Variants in SGCZ observed in about 807,000 individuals in gnomAD.
SGCZ encodes the protein zeta-sarcoglycan.
SGCZ carries 40 observed loss-of-function variants against 41.3 expected under a neutral mutation model. The ratio of observed to expected loss-of-function variants is 0.97; its 90% CI spans 0.75 to 1.26. The LOEUF (loss-of-function observed/expected upper bound fraction) is 1.26. Among genes scored for constraint, SGCZ ranks in the 50% most tolerant of loss-of-function variants. The pLI is 0.00. For missense variants in SGCZ, 552 were observed against 369.8 expected (o/e 1.49, Z -4.04); for synonymous variants, 206 against 137.5 (o/e 1.50, Z -3.49).
At chr8:14,890,917 A>C (rs981456113) in intron 1 of SGCZ, among the ~76,000 whole-genome samples, 2 of 152,198 alleles carry the variant, frequency 1.3e-5, no homozygotes, top group African/African-American at 4.8e-5. Context: ...GTGCTCTAGA[A>C]ATGGAAAAAC....
chr8:14,333,686 C>A (rs1459562457), intron 2 of SGCZ, among the ~76,000 whole-genome samples: 1 of 152,058 alleles, frequency 6.6e-6, no homozygotes, highest in Non-Finnish European at 1.5e-5. Context: ...GTCAATGGGT[C>A]CTCCCCTCAC....
chr8:14,156,482 C>G (rs948820270), intron 5 of SGCZ, among the ~76,000 whole-genome samples: 1 of 151,794 alleles, frequency 6.6e-6, no homozygotes, highest in African/African-American at 2.4e-5. Context: ...AAAACAAAAA[C>G]AAAAACAAAA....
intron 3 of SGCZ, chr8:14,319,512 T>A (rs1801846531): frequency 6.6e-6 from 1 of 151,644 alleles, no homozygotes; most frequent in African/African-American, 2.4e-5. Flanking sequence ...TCCAGGAAAA[T>A]CCCCCATGCA....
intron 5 of SGCZ, among the ~76,000 whole-genome samples, chr8:14,116,357 A>C (rs1802522281): frequency 6.6e-6 from 1 of 152,126 alleles, no homozygotes; most frequent in Admixed American, 6.6e-5. Context: ...TCTTACCTCA[A>C]GATATCTAAG....
chr8:14,962,806 T>C (rs920350139), intron 1 of SGCZ, among the ~76,000 whole-genome samples: 2 of 152,166 alleles, frequency 1.3e-5, no homozygotes, highest in Admixed American at 1.3e-4. Context: ...AAGAAATTCG[T>C]CGTGATAAGA....
At chr8:14,898,680 A>G (rs17120490) in intron 1 of SGCZ, among the ~76,000 whole-genome samples, 1,967 of 152,276 alleles carry the variant, frequency 0.013, 39 homozygotes, top group African/African-American at 0.045. Context: ...TGAGATGAGA[A>G]GAGTCAAGTT....
At chr8:14,687,303 C>T (rs1257758657) in intron 1 of SGCZ, among the ~76,000 whole-genome samples, 1 of 150,498 alleles carries the variant, frequency 6.6e-6, no homozygotes, top group Non-Finnish European at 1.5e-5. Context: ...ATTAACTCGT[C>T]ATTTAGCATT....
Position 14,509,980 on chromosome 8 carries a change from C to T in SGCZ, c.234+44752G>A, listed in dbSNP as rs1392003583. ...CTCAACAGGTGAGGACTATGGGTCC[C>T]TACCTCAACACATAGGGATTACAAT... On this transcript the variant is annotated intron_variant, in intron 2 of 7. Transcript: ENST00000382080. Among the ~76,000 whole-genome samples the T allele has an allele frequency of 2.0e-5, 3 of 152,136 alleles. No individual in the cohort carries two copies. The East Asian group carries it at 5.8e-4, about 30-fold the overall frequency.
chr8:14,441,193 G>A (rs1055053176), intron 2 of SGCZ, among the ~76,000 whole-genome samples: 1 of 152,052 alleles, frequency 6.6e-6, no homozygotes, highest in African/African-American at 2.4e-5. Flanking sequence ...ACTTGTTTCT[G>A]TAAACTTTAA....
At chr8:14,287,756 C>G (rs1466509167) in intron 3 of SGCZ, among the ~76,000 whole-genome samples, 1 of 152,058 alleles carries the variant, frequency 6.6e-6, no homozygotes, top group African/African-American at 2.4e-5. Context: ...CATTAAGCTA[C>G]ATTGACTAAG....
intron 1 of SGCZ, among the ~76,000 whole-genome samples, chr8:14,724,302 T>G (rs112391065): frequency 6.7e-6 from 1 of 149,142 alleles, no homozygotes; most frequent in Non-Finnish European, 1.5e-5. Flanking sequence ...CATACATAAG[T>G]GTATATATGT....
At chr8:15,049,172 C>G (rs1296078286) in intron 1 of SGCZ, among the ~76,000 whole-genome samples, 3 of 152,080 alleles carry the variant, frequency 2.0e-5, no homozygotes, top group Non-Finnish European at 4.4e-5. Context: ...CAGAGAATAA[C>G]TGGAAGGAGA....
At chr8:15,162,929 G>A (rs1799556500) in intron 1 of SGCZ, among the ~76,000 whole-genome samples, 1 of 152,212 alleles carries the variant, frequency 6.6e-6, no homozygotes, top group Non-Finnish European at 1.5e-5. Flanking sequence ...GAAGATGAAA[G>A]AGGAGAAGTA....
chr8:14,999,652 TAC>T (rs59966959), intron 1 of SGCZ, among the ~76,000 whole-genome samples: 9,796 of 152,136 alleles, frequency 0.064, 730 homozygotes, highest in African/African-American at 0.18. Context: ...CTGCTTCTAT[TAC>T]AGTCTCTGTC....
At chr8:14,369,775 T>C (rs1180689354) in intron 2 of SGCZ, among the ~76,000 whole-genome samples, 3 of 151,970 alleles carry the variant, frequency 2.0e-5, no homozygotes, top group Non-Finnish European at 4.4e-5. Flanking sequence ...AATTTTTTCC[T>C]CTCTTACTGC....
chr8:15,044,557 T>C lies in SGCZ; in HGVS notation c.39+193028A>G, dbSNP rs116860803. ...GTAATACTTCAAAGATTTCTGAAAA[T>C]CCACCTTTGATAAGAGACTTTTATT... On this transcript the variant is annotated intron_variant, in intron 1 of 7. Coordinates refer to ENST00000382080, the MANE Select transcript of SGCZ (RefSeq NM_139167.4). 4.9e-3 allele frequency among the ~76,000 whole-genome samples: 751 copies of C among 152,264 alleles called. 1 individual carries two copies. The highest frequency in any genetic ancestry group is 7.7e-3 in the Non-Finnish European group (527 of 68,008).
At chr8:14,338,000 C>T (rs1361013161) in intron 2 of SGCZ, among the ~76,000 whole-genome samples, 1 of 152,100 alleles carries the variant, frequency 6.6e-6, no homozygotes, top group African/African-American at 2.4e-5. Context: ...TCCATGGAGG[C>T]TAAGAAAATG....
At chr8:14,766,727 AT>A (rs33955290) in intron 1 of SGCZ, among the ~76,000 whole-genome samples, 36,092 of 92,776 alleles carry the variant, frequency 0.39, 4,889 homozygotes, top group East Asian at 0.53. Flanking sequence ...ATGTCCAGCT[AT>A]TTTTTTTTTT....
intron 1 of SGCZ, among the ~76,000 whole-genome samples, chr8:14,718,409 A>C (rs1279716744): frequency 2.0e-5 from 3 of 152,106 alleles, no homozygotes. Flanking sequence ...TATTATCTAT[A>C]TACGACTAAT....
Sources: allele counts gnomAD v4.1 joint callset (sites outside exome capture counted in the v4.1 genomes callset), GRCh38; gene constraint gnomAD v4.1.1; transcripts MANE v1.5; gene names NCBI Gene and HGNC (gene_info 2026-07-23, HGNC 2026-07-21).